The following GALNT13 variants were observed in gnomAD, a reference collection of about 807,000 sequenced individuals.
The protein encoded by GALNT13 is UDP-GalNAc:polypeptide N-acetylgalactosaminyltransferase 13.
Under a neutral mutation model 64.2 loss-of-function variants are expected in GALNT13, and 28 were observed. That is an observed-to-expected ratio of 0.44 (90% CI 0.32 to 0.60). GALNT13 has a LOEUF of 0.60. Among genes scored for constraint, GALNT13 ranks in the 20% least tolerant of loss-of-function variants. The pLI, the probability that GALNT13 is intolerant of heterozygous loss-of-function variation, is 0.05. For synonymous variants in GALNT13, 214 were observed against 224.6 expected (o/e 0.95, Z 0.42); for missense variants, 577 against 669.8 (o/e 0.86, Z 1.53).
the GALNT13 span, among the ~76,000 whole-genome samples, chr2:153,262,304 T>C: frequency 3.3e-5 from 5 of 152,088 alleles, no homozygotes; most frequent in Non-Finnish European, 7.3e-5. Context: ...CTTCCAGAAC[T>C]CAGTCTTTCC....
At chr2:154,084,573 G>A (rs948961751) in intron 3 of GALNT13, among the ~76,000 whole-genome samples, 1 of 151,906 alleles carries the variant, frequency 6.6e-6, no homozygotes, top group East Asian at 1.9e-4. Context: ...GCTTTCACTT[G>A]CCTCTATTAC....
intron 4 of GALNT13, among the ~76,000 whole-genome samples, chr2:154,222,606 A>T (rs79331955): frequency 0.014 from 2,126 of 152,222 alleles, 47 homozygotes; most frequent in African/African-American, 0.049. Flanking sequence ...CATTTCCCCT[A>T]CAGTAGCTCC....
At chr2:154,288,431 C>A (rs1043875577) in intron 8 of GALNT13, among the ~76,000 whole-genome samples, 11 of 152,098 alleles carry the variant, frequency 7.2e-5, no homozygotes, top group Admixed American at 6.5e-4. Flanking sequence ...GCCTTCCCAA[C>A]AGTCCCCCAA....
intron 3 of GALNT13, among the ~76,000 whole-genome samples, chr2:153,988,063 T>TACACAC (rs70981690): frequency 8.5e-4 from 118 of 139,374 alleles, no homozygotes; most frequent in Middle Eastern, 3.5e-3. Flanking sequence ...GTGACATATA[T>TACACAC]ATATATATAT....
intron 3 of GALNT13, among the ~76,000 whole-genome samples, chr2:154,008,276 G>A (rs12613273): frequency 0.049 from 7,405 of 152,056 alleles, 244 homozygotes; most frequent in South Asian, 0.11. Context: ...TTATTATTTC[G>A]ATTCATATCT....
At chr2:153,113,777 C>T in the GALNT13 span, among the ~76,000 whole-genome samples, 5 of 152,054 alleles carry the variant, frequency 3.3e-5, no homozygotes, top group Admixed American at 6.5e-5. Flanking sequence ...TCTACAAGAT[C>T]ATTGAGTTAG....
rs753565309 is a variant in GALNT13, at chr2:154,242,773, G to A, written c.554G>A (p.Arg185His). The A allele has an allele frequency of 7.4e-6, 12 of 1,613,900 alleles. No individual in the cohort carries two copies. The highest frequency in any genetic ancestry group is 2.2e-5 in the East Asian group (1 of 44,870). ...GTAAAAATTATTAGGATGGAAGAAC[G>A]CTCTGGGTTAATACGTGCCCGTCTT... ...VPVKIIRMEERSGLIRARLRG... is the reference protein window; with the variant it reads ...VPVKIIRMEEHSGLIRARLRG... The change falls in exon 6 of 13, where the codon CGC (arginine) becomes CAC (histidine). Residue 185 changes from arginine to histidine, a missense_variant. Coordinates refer to ENST00000392825, the MANE Select transcript of GALNT13 (RefSeq NM_052917.4).
the GALNT13 span, among the ~76,000 whole-genome samples, chr2:153,205,422 A>C: frequency 6.6e-6 from 1 of 152,076 alleles, no homozygotes; most frequent in Non-Finnish European, 1.5e-5. Flanking sequence ...CAAAGTTACA[A>C]AATCAATAGT....
chr2:153,263,435 G>C, the GALNT13 span, among the ~76,000 whole-genome samples: 55,075 of 151,932 alleles, frequency 0.36, 11,835 homozygotes, highest in Non-Finnish European at 0.49. Context: ...CACAGAATTA[G>C]AAAAAAATCT....
chr2:153,168,083 G>T, the GALNT13 span, among the ~76,000 whole-genome samples: 3 of 152,174 alleles, frequency 2.0e-5, no homozygotes, highest in Non-Finnish European at 4.4e-5. Context: ...TCTCTCTTTG[G>T]AGATCCAATG....
At chr2:153,590,410 G>A in the GALNT13 span, among the ~76,000 whole-genome samples, 1 of 152,002 alleles carries the variant, frequency 6.6e-6, no homozygotes, top group Admixed American at 6.6e-5. Context: ...AATATACAAA[G>A]GAGAACTAAT....
Position 154,362,866 on chromosome 2 carries a change from A to T in GALNT13, c.1157-33125A>T, listed in dbSNP as rs139988796. On this transcript the variant is annotated intron_variant, in intron 9 of 12. Transcript: ENST00000392825. ...TACTATATGGCTCAATAATTAGCGT[A>T]GGTCAACCTTTCAAACCCTTTAAAG... is the stretch of plus-strand genomic sequence containing the variant. 2.2e-4 allele frequency among the ~76,000 whole-genome samples: 33 copies of T among 152,296 alleles called. No individual in the cohort carries two copies. In the East Asian group the frequency reaches 2.3e-3, roughly 11 times the overall value.
chr2:153,085,435 GGGCCAGCCCCCAGGGCTGCTGT>G, the GALNT13 span, among the ~76,000 whole-genome samples: 1 of 152,070 alleles, frequency 6.6e-6, no homozygotes, highest in African/African-American at 2.4e-5. Flanking sequence ...AAGGTTTTGT[GGGCCAGCCCCCAGGGCTGCTGT>G]GTGCAGCCCT....
chr2:153,666,485 A>C, the GALNT13 span, among the ~76,000 whole-genome samples: 1 of 152,196 alleles, frequency 6.6e-6, no homozygotes, highest in African/African-American at 2.4e-5. Flanking sequence ...CCAGCAGACC[A>C]GGAAAATCTC....
intron 3 of GALNT13, among the ~76,000 whole-genome samples, chr2:154,129,483 G>T (rs1218732636): frequency 6.6e-6 from 1 of 152,048 alleles, no homozygotes; most frequent in Admixed American, 6.6e-5. Flanking sequence ...CAATGTAACA[G>T]CGAAATGTCT....
At chr2:153,380,122 A>G in the GALNT13 span, among the ~76,000 whole-genome samples, 4 of 152,106 alleles carry the variant, frequency 2.6e-5, no homozygotes, top group African/African-American at 9.7e-5. Flanking sequence ...TTCCATATCC[A>G]TGGCCTCCAC....
the GALNT13 span, among the ~76,000 whole-genome samples, chr2:153,725,457 TA>T: frequency 1.6e-4 from 24 of 145,904 alleles, no homozygotes; most frequent in South Asian, 8.8e-4. Context: ...AAAGTATAAT[TA>T]AAAAAAAATA....
At chr2:153,930,203 T>C (rs1287975371) in intron 2 of GALNT13, among the ~76,000 whole-genome samples, 4 of 152,134 alleles carry the variant, frequency 2.6e-5, no homozygotes, top group Non-Finnish European at 4.4e-5. Flanking sequence ...GTTTTTTGCT[T>C]GTTTATTTAA....
chr2:153,667,567 A>C, the GALNT13 span, among the ~76,000 whole-genome samples: 1 of 152,248 alleles, frequency 6.6e-6, no homozygotes, highest in Non-Finnish European at 1.5e-5. Flanking sequence ...TTTTCAGATA[A>C]GCAAATGCTA....
Sources: gnomAD v4.1 joint callset for allele counts (sites outside exome capture counted in the v4.1 genomes callset) on GRCh38, gnomAD v4.1.1 for gene constraint, MANE v1.5 for transcripts, NCBI Gene and HGNC (gene_info 2026-07-23, HGNC 2026-07-21) for gene names.